SPAG16: variants seen among roughly 807,000 people sequenced by gnomAD.
SPAG16 encodes the protein sperm-associated antigen 16 protein.
In SPAG16, 86 loss-of-function variants were observed where a neutral mutation model predicts 80.4. The observed-to-expected ratio is 1.07, with a 90% CI of 0.90 to 1.28. The LOEUF (loss-of-function observed/expected upper bound fraction) is 1.28. Ranked by LOEUF, SPAG16 falls within the 50% of genes most tolerant of loss-of-function variation. SPAG16 has a pLI of 0.00. For missense variants in SPAG16, 870 were observed against 765.3 expected (o/e 1.14, Z -1.61); for synonymous variants, 294 against 265.9 (o/e 1.11, Z -1.03).
intron 13 of SPAG16, among the ~76,000 whole-genome samples, chr2:214,105,404 CAATT>C (rs1360060195): frequency 1.3e-5 from 2 of 152,168 alleles, no homozygotes; most frequent in Non-Finnish European, 2.9e-5. Flanking sequence ...ATTATTATCT[CAATT>C]AATTCTCCTA....
At position 214,123,683 on chromosome 2, in the gene SPAG16, C is replaced by G. The variant is rs58334762; in HGVS notation, c.1593+15422C>G. On this transcript the variant is annotated intron_variant, in intron 14 of 15. Coordinates refer to ENST00000331683, the MANE Select transcript of SPAG16 (RefSeq NM_024532.5). Reference sequence around the variant, plus strand: ...TATCAAGAATCAATCAGGTAGAAAACAGCAATAAGGTGAGAGTTGGGGCTT... The same window carrying G: ...TATCAAGAATCAATCAGGTAGAAAAGAGCAATAAGGTGAGAGTTGGGGCTT... Among the ~76,000 whole-genome samples, 847 of 151,882 alleles carry G rather than the reference C, an allele frequency of 5.6e-3. 7 individuals carry two copies. The highest frequency in any genetic ancestry group is 0.02 in the African/African-American group (825 of 41,460).
chr2:213,739,480 C>T (rs1196421067), intron 10 of SPAG16, among the ~76,000 whole-genome samples: 1 of 152,152 alleles, frequency 6.6e-6, no homozygotes, highest in Non-Finnish European at 1.5e-5. Flanking sequence ...ATCATGAATT[C>T]TTTAAAAATA....
In SPAG16 at chr2:213,958,343, T is replaced by C. The variant is rs142021603; in HGVS notation, c.1400+28198T>C. ...TATATCTAGCTGTCCCATGGGCAGG[T>C]GGTTGTCAGGAGGTAGTTGTATAAA... On this transcript the variant is annotated intron_variant, in intron 12 of 15. Transcript: ENST00000331683. Among the ~76,000 whole-genome samples, 1,132 of 152,216 alleles carry C rather than the reference T, an allele frequency of 7.4e-3. 17 individuals carry two copies. Among genetic ancestry groups the C allele is most frequent in the African/African-American group, 0.026 (1,075 of 41,512 alleles).
At chr2:213,932,503 A>G (rs891044991) in intron 12 of SPAG16, among the ~76,000 whole-genome samples, 18 of 152,096 alleles carry the variant, frequency 1.2e-4, no homozygotes, top group African/African-American at 3.6e-4. Context: ...GCGCCTGGCC[A>G]TGCTGCATAG....
intron 10 of SPAG16, among the ~76,000 whole-genome samples, chr2:213,837,022 TC>T (rs2074125276): frequency 6.6e-6 from 1 of 152,160 alleles, no homozygotes; most frequent in Non-Finnish European, 1.5e-5. Context: ...TTCAGGGACA[TC>T]CCTGCTATCT....
intron 13 of SPAG16, among the ~76,000 whole-genome samples, chr2:214,078,560 T>G (rs1037000541): frequency 1.3e-5 from 2 of 151,820 alleles, no homozygotes; most frequent in African/African-American, 2.4e-5. Context: ...AAAAATCTGT[T>G]ATTTATTGCT....
rs573102125 is a variant in SPAG16, at chr2:213,446,178, C to T, written c.943-43785C>T. Reference sequence around the variant, plus strand: ...AAACAGTGCAAGAACTCTGGCAACTCTTAAAGCCAGAGTATATTCTTACCT... The same window carrying T: ...AAACAGTGCAAGAACTCTGGCAACTTTTAAAGCCAGAGTATATTCTTACCT... On this transcript the variant is annotated intron_variant, in intron 9 of 15. Coordinates refer to ENST00000331683, the MANE Select transcript of SPAG16 (RefSeq NM_024532.5). Among the ~76,000 whole-genome samples the T allele has an allele frequency of 1.4e-4, 21 of 152,302 alleles. 1 individual carries two copies. The South Asian group carries it at 4.1e-3, about 30-fold the overall frequency.
chr2:213,408,740 A>G (rs1559103014), intron 9 of SPAG16, among the ~76,000 whole-genome samples: 1 of 152,222 alleles, frequency 6.6e-6, no homozygotes, highest in Non-Finnish European at 1.5e-5. Flanking sequence ...AGTTAGGAAA[A>G]TTGCCTAATA....
intron 10 of SPAG16, among the ~76,000 whole-genome samples, chr2:213,549,313 A>T (rs949267968): frequency 6.6e-6 from 1 of 152,222 alleles, no homozygotes; most frequent in South Asian, 2.1e-4. Context: ...TACAGATTTT[A>T]TTTGATGCAT....
chr2:213,620,608 A>G (rs2061747907), intron 10 of SPAG16, among the ~76,000 whole-genome samples: 1 of 152,002 alleles, frequency 6.6e-6, no homozygotes, highest in Non-Finnish European at 1.5e-5. Flanking sequence ...TGTATTTTCA[A>G]AAAGCTAGAA....
intron 9 of SPAG16, among the ~76,000 whole-genome samples, chr2:213,380,126 T>C (rs914443186): frequency 2.0e-5 from 3 of 152,178 alleles, no homozygotes; most frequent in Non-Finnish European, 2.9e-5. Flanking sequence ...AGCCAAACCA[T>C]TGGCTGCAGC....
At chr2:213,797,671 A>G (rs2071129511) in intron 10 of SPAG16, among the ~76,000 whole-genome samples, 1 of 152,198 alleles carries the variant, frequency 6.6e-6, no homozygotes, top group South Asian at 2.1e-4. Context: ...TCATATTCCC[A>G]TCATTAAACA....
At chr2:213,551,930 C>T (rs979491080) in intron 10 of SPAG16, among the ~76,000 whole-genome samples, 4 of 152,050 alleles carry the variant, frequency 2.6e-5, no homozygotes, top group African/African-American at 7.2e-5. Context: ...GTAGCAATTC[C>T]CAAGATCTTT....
chr2:213,809,478 TG>T (rs1174015795), intron 10 of SPAG16, among the ~76,000 whole-genome samples: 3 of 151,886 alleles, frequency 2.0e-5, no homozygotes, highest in Non-Finnish European at 4.4e-5. Flanking sequence ...TAGCTCTAAA[TG>T]AAAAAAGAGG....
chr2:213,616,059 T>C (rs1388180672), intron 10 of SPAG16, among the ~76,000 whole-genome samples: 3 of 152,108 alleles, frequency 2.0e-5, no homozygotes, highest in Admixed American at 2.0e-4. Context: ...TAAAGTATGA[T>C]AATAATAACA....
chr2:214,073,548 G>T (rs1377626177), intron 13 of SPAG16, among the ~76,000 whole-genome samples: 1 of 152,046 alleles, frequency 6.6e-6, no homozygotes, highest in Non-Finnish European at 1.5e-5. Flanking sequence ...TATTTTAAAA[G>T]ACCTAAATAT....
intron 11 of SPAG16, among the ~76,000 whole-genome samples, chr2:213,872,993 G>T (rs1444888140): frequency 1.3e-5 from 2 of 151,928 alleles, no homozygotes; most frequent in Non-Finnish European, 2.9e-5. Flanking sequence ...GTATTTTCTT[G>T]ATGACATTTT....
chr2:214,301,410 A>T (rs567230348), intron 15 of SPAG16, among the ~76,000 whole-genome samples: 2 of 152,186 alleles, frequency 1.3e-5, no homozygotes, highest in East Asian at 1.9e-4. Flanking sequence ...ATAGAACAAG[A>T]TGGGGAATAT....
chr2:214,094,146 G>A (rs1306140786), intron 13 of SPAG16, among the ~76,000 whole-genome samples: 1 of 152,098 alleles, frequency 6.6e-6, no homozygotes. Context: ...TGAGTTGGTA[G>A]CTTGAAATTG....
Sources: gnomAD v4.1 joint callset for allele counts (sites outside exome capture counted in the v4.1 genomes callset) on GRCh38, gnomAD v4.1.1 for gene constraint, MANE v1.5 for transcripts, NCBI Gene and HGNC (gene_info 2026-07-23, HGNC 2026-07-21) for gene names.